Variants in SCML4 observed in about 807,000 individuals in gnomAD.
SCML4 encodes sex comb on midleg-like protein 4.
SCML4 carries 34 observed loss-of-function variants against 41.1 expected under a neutral mutation model. The ratio of observed to expected loss-of-function variants is 0.83; its 90% CI spans 0.63 to 1.10. The LOEUF is 1.10. Among genes scored for constraint, SCML4 ranks in the 50% least tolerant of loss-of-function variants. The pLI is 0.00. For synonymous variants in SCML4, 214 were observed against 220.9 expected (o/e 0.97, Z 0.28); for missense variants, 522 against 534.1 (o/e 0.98, Z 0.22).
chr6:107,712,844 C>T (rs1431380460), intron 6 of SCML4, among the ~76,000 whole-genome samples: 1 of 152,212 alleles, frequency 6.6e-6, no homozygotes, highest in Non-Finnish European at 1.5e-5. Flanking sequence ...GGTGCAGCTG[C>T]AGCAGGCAGA....
At chr6:107,768,484 T>A (rs9320236) in intron 2 of SCML4, among the ~76,000 whole-genome samples, 2 of 152,050 alleles carry the variant, frequency 1.3e-5, no homozygotes, top group African/African-American at 2.4e-5. Context: ...CTTTCTTAAC[T>A]CATTAAACAG....
intron 1 of SCML4, among the ~76,000 whole-genome samples, chr6:107,805,235 T>G (rs1360017816): frequency 6.6e-6 from 1 of 152,128 alleles, no homozygotes; most frequent in Non-Finnish European, 1.5e-5. Context: ...ATCTGAAATG[T>G]TCTCTATTTG....
At chr6:107,746,362 G>C in intron 4 of SCML4, 1 of 269,786 alleles carries the variant, frequency 3.7e-6, no homozygotes, top group Non-Finnish European at 6.9e-6. Context: ...TGGACTCCGG[G>C]TATATTTTGA....
chr6:107,844,248 T>C, the SCML4 span, among the ~76,000 whole-genome samples: 3 of 152,200 alleles, frequency 2.0e-5, no homozygotes, highest in Non-Finnish European at 4.4e-5. Context: ...GGGATATTTG[T>C]TGTGGAGGGA....
At chr6:107,766,757 G>A (rs1285911084) in intron 2 of SCML4, among the ~76,000 whole-genome samples, 1 of 152,122 alleles carries the variant, frequency 6.6e-6, no homozygotes, top group Non-Finnish European at 1.5e-5. Flanking sequence ...AAGACTCAGG[G>A]GATACAGTCC....
At chr6:107,818,086 C>A (rs184608517) in intron 1 of SCML4, among the ~76,000 whole-genome samples, 1 of 152,226 alleles carries the variant, frequency 6.6e-6, no homozygotes, top group Admixed American at 6.5e-5. Flanking sequence ...TTCTTCCCCC[C>A]ACTGTTTCTA....
At chr6:107,837,774 G>T in the SCML4 span, among the ~76,000 whole-genome samples, 1 of 152,038 alleles carries the variant, frequency 6.6e-6, no homozygotes, top group Non-Finnish European at 1.5e-5. Flanking sequence ...CCTGCCTACT[G>T]GTTCTGATTA....
chr6:107,776,371 A>G (rs985257356), intron 1 of SCML4, among the ~76,000 whole-genome samples: 2 of 152,190 alleles, frequency 1.3e-5, no homozygotes, highest in South Asian at 2.1e-4. Flanking sequence ...CACCCACCCA[A>G]TAAAAGTGAA....
intron 1 of SCML4, among the ~76,000 whole-genome samples, chr6:107,817,103 AT>A (rs912021872): frequency 5.3e-5 from 8 of 151,006 alleles, no homozygotes; most frequent in African/African-American, 7.3e-5. Context: ...GTCCAATGGA[AT>A]TTTTTTTTTC....
At chr6:107,811,880 C>G (rs916305831) in intron 1 of SCML4, among the ~76,000 whole-genome samples, 1 of 152,182 alleles carries the variant, frequency 6.6e-6, no homozygotes, top group Non-Finnish European at 1.5e-5. Context: ...GTCGTGGCGT[C>G]TATGATGTCA....
Position 107,803,760 on chromosome 6 carries a change from G to A in SCML4, c.-60+20366C>T, listed in dbSNP as rs569528039. Among the ~76,000 whole-genome samples, 479 of 150,636 alleles carry A rather than the reference G, an allele frequency of 3.2e-3. 2 individuals are homozygous for A. Among genetic ancestry groups the A allele is most frequent in the African/African-American group, 0.011 (459 of 40,450 alleles). Reference sequence around the variant, plus strand: ...GATCTGTGACCTTACCCCCAACCCTGTGCTCTCTGAAACATGTGCTGTGTC... The same window carrying A: ...GATCTGTGACCTTACCCCCAACCCTATGCTCTCTGAAACATGTGCTGTGTC... On this transcript the variant is annotated intron_variant, in intron 1 of 7. Transcript: ENST00000369020.
the SCML4 span, among the ~76,000 whole-genome samples, chr6:107,831,181 C>T: frequency 2.6e-5 from 4 of 152,034 alleles, no homozygotes; most frequent in Admixed American, 6.6e-5. Context: ...CACAGAGGCC[C>T]GTCAAAGAGA....
upstream of SCML4, among the ~76,000 whole-genome samples, chr6:107,825,991 A>G (rs1785241542): frequency 6.6e-6 from 1 of 150,428 alleles, no homozygotes; most frequent in Non-Finnish European, 1.5e-5. Context: ...GTGGTGGCTC[A>G]TGCCTGTAAT....
intron 5 of SCML4, among the ~76,000 whole-genome samples, chr6:107,722,158 G>A (rs549038990): frequency 1.0e-3 from 154 of 151,890 alleles, no homozygotes; most frequent in African/African-American, 3.4e-3. Flanking sequence ...TGTATTTTTA[G>A]TAGAGATGGG....
chr6:107,824,498 GT>G (rs1785170953), upstream of SCML4, among the ~76,000 whole-genome samples: 1 of 143,046 alleles, frequency 7.0e-6, no homozygotes, highest in African/African-American at 2.9e-5. Context: ...GTGTGTGTGT[GT>G]GTGTGTGTGT....
At chr6:107,801,357 G>A (rs970004601) in intron 1 of SCML4, among the ~76,000 whole-genome samples, 5 of 151,946 alleles carry the variant, frequency 3.3e-5, no homozygotes, top group African/African-American at 1.2e-4. Flanking sequence ...AGGTACATAC[G>A]AAGTCATCCT....
chr6:107,831,231 G>A, the SCML4 span, among the ~76,000 whole-genome samples: 1 of 151,972 alleles, frequency 6.6e-6, no homozygotes, highest in Admixed American at 6.6e-5. Context: ...AGATAGTTTT[G>A]GGGGATTGCC....
chr6:107,826,528 A>C (rs1253964814), upstream of SCML4, among the ~76,000 whole-genome samples: 1 of 152,186 alleles, frequency 6.6e-6, no homozygotes, highest in Non-Finnish European at 1.5e-5. Context: ...AAGTAATCAG[A>C]AATAATCTCC....
the SCML4 span, among the ~76,000 whole-genome samples, chr6:107,832,324 T>A: frequency 6.6e-6 from 1 of 152,198 alleles, no homozygotes; most frequent in Non-Finnish European, 1.5e-5. Flanking sequence ...TGGTCAATAA[T>A]GTCACCAAAG....
Sources: allele counts gnomAD v4.1 joint callset (sites outside exome capture counted in the v4.1 genomes callset), GRCh38; gene constraint gnomAD v4.1.1; transcripts MANE v1.5; gene names NCBI Gene and HGNC (gene_info 2026-07-23, HGNC 2026-07-21).